Variants in ATP13A3 observed in about 807,000 individuals in gnomAD.
ATP13A3 encodes polyamine-transporting ATPase 13A3.
ATP13A3 carries 59 observed loss-of-function variants against 158.1 expected under a neutral mutation model. The observed-to-expected ratio is 0.37, with a 90% confidence interval of 0.30 to 0.46. The LOEUF (loss-of-function observed/expected upper bound fraction) is 0.46. Ranked by LOEUF, ATP13A3 falls within the 20% of genes least tolerant of loss-of-function variation. The probability of loss-of-function intolerance (pLI) is 1.00; values close to 1 mark genes in which losing one functional copy is unlikely to be tolerated. For synonymous variants in ATP13A3, 491 were observed against 504.3 expected, an observed-to-expected ratio of 0.97 and a Z score of 0.35; for missense variants, 1,166 against 1,525.2, an observed-to-expected ratio of 0.76 and a Z score of 3.92.
At chr3:194,464,571 C>T (rs1318975532) in intron 2 of ATP13A3, among the ~76,000 whole-genome samples, 2 of 152,188 alleles carry the variant, frequency 1.3e-5, no homozygotes, top group African/African-American at 2.4e-5. Flanking sequence ...TAGAGAAGAT[C>T]GGCTATCATC....
chr3:194,480,225 T>C (rs1007652586), intron 2 of ATP13A3, among the ~76,000 whole-genome samples: 2 of 152,204 alleles, frequency 1.3e-5, no homozygotes, highest in African/African-American at 4.8e-5. Flanking sequence ...GTTCAGTGAC[T>C]TACTTAACCC....
chr3:194,425,160 C>CT (rs1716673073), intron 30 of ATP13A3, among the ~76,000 whole-genome samples, 182 bp downstream of exon 30: 1 of 152,240 alleles, frequency 6.6e-6, no homozygotes, highest in African/African-American at 2.4e-5. Context: ...GTAGCTTGAA[C>CT]TTTAAACTTA....
At position 194,412,202 on chromosome 3, in the gene ATP13A3, C is replaced by T. The variant is rs893034616; in HGVS notation, c.3570G>A (p.Pro1190=). 17 of 1,535,938 alleles carry T rather than the reference C, an allele frequency of 1.1e-5. No individual in the cohort carries two copies. Among genetic ancestry groups the T allele is most frequent in the Middle Eastern group, 1.7e-4 (1 of 5,988 alleles). Residue 1190 remains proline (P), a synonymous_variant, in exon 33 of 34, where the codon CCG becomes CCA. Coordinates refer to ENST00000645319, the MANE Select transcript of ATP13A3 (RefSeq NM_001367549.1). ...GEYRFSTTQP[P]QESVDRWGKC... Reference sequence around the variant, plus strand: ...ACAGGAAGTGCTGAGTTCCAACCTGCGGTGGCTGTGTGGTGCTGAACCGAT... The same window carrying T: ...ACAGGAAGTGCTGAGTTCCAACCTGTGGTGGCTGTGTGGTGCTGAACCGAT...
chr3:194,463,767 A>ATTT (rs1719820002), intron 2 of ATP13A3, among the ~76,000 whole-genome samples: 1 of 152,264 alleles, frequency 6.6e-6, no homozygotes, highest in Non-Finnish European at 1.5e-5. Context: ...GATGATATAA[A>ATTT]TTAACAGCCA....
chr3:194,448,586 C>T lies in ATP13A3; in HGVS notation c.1021G>A (p.Val341Met). ...TATAATTCATCTCCTATTCCTTTCA[C>T]ATCCACTGAAGGATTTGGCAAATTA... ...KTNLPNPSVD[V>M]KGIGDELYNP... The change falls in exon 12 of 34, where the codon GTG becomes ATG. Residue 341 changes from valine to methionine, a missense_variant. Around this residue, in one of 3 missense-constraint regions of ATP13A3, gnomAD observed 997 missense variants for 1,341.2 expected, o/e 0.74. Transcript: ENST00000645319. This position sits in a 1 kb window ranked among gnomAD's most constrained non-coding sequence, Gnocchi z 4.0. The T allele has an allele frequency of 6.2e-7, 1 of 1,613,816 alleles. No individual in the cohort carries two copies. Among genetic ancestry groups the T allele is most frequent in the Non-Finnish European group, 8.5e-7 (1 of 1,179,892 alleles).
intron 2 of ATP13A3, among the ~76,000 whole-genome samples, chr3:194,469,967 T>A (rs1262888573): frequency 1.3e-5 from 2 of 152,174 alleles, no homozygotes; most frequent in Non-Finnish European, 2.9e-5. Flanking sequence ...AAAGAATTTT[T>A]AAAAAATCAG....
Position 194,437,493 on chromosome 3 carries a change from A to G in ATP13A3, c.1846-29T>C, listed in dbSNP as rs1717735218. ...TATCATTTCAAAAGAGGCACAAAGC[A>G]CTTAATATTCTTAAAGAATCAAAAC... On this transcript the variant is annotated intron_variant, in intron 18 of 33. Transcript: ENST00000645319. 6 of 1,613,624 alleles carry G rather than the reference A, an allele frequency of 3.7e-6. No individual in the cohort carries two copies. In the African/African-American group the frequency reaches 5.3e-5, roughly 14 times the overall value.
At chr3:194,463,143 GC>G (rs1372678689) in intron 2 of ATP13A3, among the ~76,000 whole-genome samples, 1 of 152,082 alleles carries the variant, frequency 6.6e-6, no homozygotes, top group Admixed American at 6.6e-5. Flanking sequence ...AAAGTCAATC[GC>G]TATGGCAGGT....
At chr3:194,433,957 C>G (rs1440043704) in intron 20 of ATP13A3, 61 bp from the exon 21 acceptor site, 1 of 1,495,892 alleles carries the variant, frequency 6.7e-7, no homozygotes. Flanking sequence ...AACTTATGTA[C>G]ACAAACTTGA....
intron 30 of ATP13A3, among the ~76,000 whole-genome samples, chr3:194,421,210 C>T (rs1454348961): frequency 3.7e-5 from 2 of 53,606 alleles, no homozygotes; most frequent in Non-Finnish European, 7.8e-5. Context: ...AACACTTATA[C>T]CAAAGGTGGA....
rs777106564 is a variant in ATP13A3, at chr3:194,419,980, G to C, written c.3314-13C>G. 1 of 1,512,106 alleles carries C rather than the reference G, an allele frequency of 6.6e-7. No homozygotes were observed. Among genetic ancestry groups the C allele is most frequent in the South Asian group, 1.3e-5 (1 of 75,014 alleles). The allele number at this position is 1,512,106 out of a possible 1,614,324, so 93.7% of individuals were successfully genotyped here. ...AAAACAAAAAAATCTGGAAAAGACA[G>C]CAAAAGTAAAACAAGTAAATTAGGA... On this transcript the variant is annotated splice_polypyrimidine_tract_variant and intron_variant, in intron 30 of 33. Coordinates refer to ENST00000645319, the MANE Select transcript of ATP13A3 (RefSeq NM_001367549.1).
At chr3:194,483,226 G>A (rs1720825427) in intron 2 of ATP13A3, among the ~76,000 whole-genome samples, 1 of 152,010 alleles carries the variant, frequency 6.6e-6, no homozygotes, top group Admixed American at 6.6e-5. Context: ...CAAGGCTGCA[G>A]TGAGCCATGA....
rs1244908846 is a variant in ATP13A3, at chr3:194,486,737, A to C, written c.-260T>G. On this transcript the variant is annotated 5_prime_UTR_variant, in exon 1 of 34. Transcript: ENST00000645319. ...CGCGCGCTGCGGCTCAGGGTGAGGG[A>C]AGGAGGCGCCGCGGCGGGGCCGGGC... 1 of 149,878 alleles carries C rather than the reference A, an allele frequency of 6.7e-6. No homozygotes were observed. Among genetic ancestry groups the C allele is most frequent in the Non-Finnish European group, 1.5e-5 (1 of 67,304 alleles). The allele number at this position is 149,878 out of a possible 1,614,324, so 9.3% of individuals were successfully genotyped here.
chr3:194,455,592 A>G (rs888157325), intron 8 of ATP13A3, among the ~76,000 whole-genome samples: 3 of 152,178 alleles, frequency 2.0e-5, no homozygotes, highest in Non-Finnish European at 2.9e-5. Flanking sequence ...TCTACTCCTA[A>G]AAGTGTTCAC....
chr3:194,417,894 G>A (rs975353788), intron 31 of ATP13A3, among the ~76,000 whole-genome samples: 2 of 151,130 alleles, frequency 1.3e-5, no homozygotes, highest in African/African-American at 4.9e-5. Context: ...CCAGGAGGTC[G>A]AGGCCACAGT....
chr3:194,416,496 T>G (rs1200430096), intron 31 of ATP13A3, among the ~76,000 whole-genome samples: 1 of 152,114 alleles, frequency 6.6e-6, no homozygotes, highest in Non-Finnish European at 1.5e-5. Flanking sequence ...AAACCACTTA[T>G]GTTAACAACA....
At chr3:194,426,543 A>G (rs553694098) in intron 29 of ATP13A3, among the ~76,000 whole-genome samples, 10 of 152,274 alleles carry the variant, frequency 6.6e-5, no homozygotes, top group East Asian at 1.9e-4. Flanking sequence ...TATTTTACAG[A>G]TAAGTAAGGC....
intron 30 of ATP13A3, among the ~76,000 whole-genome samples, chr3:194,421,933 T>G (rs1187664247): frequency 2.2e-5 from 2 of 91,170 alleles, no homozygotes; most frequent in Admixed American, 1.9e-4. Context: ...TCTTGACATG[T>G]GTGTCGTTGG....
At chr3:194,426,639 C>T (rs1342016399) in intron 29 of ATP13A3, among the ~76,000 whole-genome samples, 5 of 152,074 alleles carry the variant, frequency 3.3e-5, no homozygotes, top group East Asian at 1.9e-4. Context: ...CAAAGACAGG[C>T]GTGACCGTGA....
Sources: allele counts gnomAD v4.1 joint callset (sites outside exome capture counted in the v4.1 genomes callset), GRCh38; gene constraint gnomAD v4.1.1; regional missense constraint gnomAD v4.1.1; non-coding constraint Gnocchi (gnomAD v3.1); transcripts MANE v1.5; gene names NCBI Gene and HGNC (gene_info 2026-07-23, HGNC 2026-07-21).